GDA: variants seen among roughly 807,000 people sequenced by gnomAD.
GDA encodes guanine deaminase, also known as cytoplasmic PSD-95 interactor.
GDA carries 18 observed loss-of-function variants against 59.6 expected under a neutral mutation model. The observed-to-expected ratio is 0.30, with a 90% CI of 0.21 to 0.45. The LOEUF is 0.45. Ranked by LOEUF, GDA falls within the 20% of genes least tolerant of loss-of-function variation. The pLI is 1.00. For synonymous variants in GDA, 201 were observed against 201.1 expected (o/e 1.00, Z 0.00); for missense variants, 427 against 552.3 (o/e 0.77, Z 2.27).
At chr9:72,217,925 T>TC (rs1405754860) in intron 5 of GDA, among the ~76,000 whole-genome samples, 1 of 152,110 alleles carries the variant, frequency 6.6e-6, no homozygotes, top group East Asian at 1.9e-4. Context: ...ATTTTTTATT[T>TC]TTTTTTTAGA....
At chr9:72,213,599 C>A (rs552741146) in intron 4 of GDA, among the ~76,000 whole-genome samples, 3 of 151,312 alleles carry the variant, frequency 2.0e-5, no homozygotes, top group East Asian at 1.9e-4. Context: ...GTCAGGAGAT[C>A]GAGACCATCT....
At chr9:72,142,719 T>C (rs914675324) in intron 1 of GDA, among the ~76,000 whole-genome samples, 3 of 152,184 alleles carry the variant, frequency 2.0e-5, no homozygotes, top group Non-Finnish European at 4.4e-5. Flanking sequence ...ATATTGATTG[T>C]ATGTATTGCT....
intron 1 of GDA, among the ~76,000 whole-genome samples, chr9:72,158,820 A>G (rs1224546046): frequency 6.6e-6 from 1 of 152,172 alleles, no homozygotes; most frequent in Non-Finnish European, 1.5e-5. Context: ...TGTATTTCAG[A>G]CAGTCTGCCA....
chr9:72,207,245 C>T (rs950776640), intron 3 of GDA, among the ~76,000 whole-genome samples: 2 of 152,126 alleles, frequency 1.3e-5, no homozygotes, highest in African/African-American at 4.8e-5. Flanking sequence ...CTTTCTCTCT[C>T]TTTCTGAGTA....
intron 10 of GDA, among the ~76,000 whole-genome samples, chr9:72,233,312 C>T (rs1481669886): frequency 2.0e-5 from 3 of 152,072 alleles, no homozygotes; most frequent in South Asian, 2.1e-4. Flanking sequence ...AGTGATATCA[C>T]AAACAATAAG....
At chr9:72,188,697 C>T (rs898335440) in intron 1 of GDA, among the ~76,000 whole-genome samples, 2 of 152,184 alleles carry the variant, frequency 1.3e-5, no homozygotes, top group African/African-American at 2.4e-5. Flanking sequence ...GCCAGAGCTG[C>T]CACAGAGAGT....
At chr9:72,223,756 G>T (rs1837199754) in intron 7 of GDA, among the ~76,000 whole-genome samples, 1 of 152,058 alleles carries the variant, frequency 6.6e-6, no homozygotes, top group Non-Finnish European at 1.5e-5. Flanking sequence ...TTAAATTGTT[G>T]CAATTTAGGA....
intron 1 of GDA, among the ~76,000 whole-genome samples, chr9:72,136,995 A>G (rs535779922): frequency 9.9e-5 from 15 of 151,974 alleles, no homozygotes; most frequent in Non-Finnish European, 2.2e-4. Context: ...AAAGAAAACA[A>G]CAACAACAAC....
chr9:72,171,748 A>G (rs1830001465), intron 1 of GDA, among the ~76,000 whole-genome samples: 1 of 152,060 alleles, frequency 6.6e-6, no homozygotes, highest in African/African-American at 2.4e-5. Flanking sequence ...GTACATTATA[A>G]TGTTATTTTA....
chr9:72,128,311 A>G (rs1825915979), intron 1 of GDA, among the ~76,000 whole-genome samples: 1 of 152,164 alleles, frequency 6.6e-6, no homozygotes, highest in South Asian at 2.1e-4. Flanking sequence ...ATTTCAAGTA[A>G]GTGATTCAAA....
At chr9:72,117,007 A>G (rs1477911659) in intron 1 of GDA, among the ~76,000 whole-genome samples, 2 of 147,264 alleles carry the variant, frequency 1.4e-5, no homozygotes, top group Non-Finnish European at 3.0e-5. Flanking sequence ...TTTCCCACCT[A>G]TGAGTGAGAA....
rs1299655115 is a variant in GDA at position 72,248,513 on chromosome 9, A to G, written c.*171A>G. Reference sequence around the variant, plus strand: ...CAAATAGTTCGAAGGAAGTTGCACTAATTCTCAACTCTGGTTGAGAGGGTT... The same window carrying G: ...CAAATAGTTCGAAGGAAGTTGCACTGATTCTCAACTCTGGTTGAGAGGGTT... On this transcript the variant is annotated 3_prime_UTR_variant, in exon 14 of 14. Transcript: ENST00000358399. The G allele has an allele frequency of 3.6e-5, 51 of 1,417,328 alleles. 1 individual carries two copies. The highest frequency in any genetic ancestry group is 4.6e-5 in the Non-Finnish European group (50 of 1,085,924). The allele number at this position is 1,417,328 out of a possible 1,614,324, so 87.8% of individuals were successfully genotyped here.
intron 1 of GDA, among the ~76,000 whole-genome samples, chr9:72,132,504 G>T (rs923925773): frequency 6.6e-6 from 1 of 152,146 alleles, no homozygotes; most frequent in South Asian, 2.1e-4. Flanking sequence ...GGGAAGACTT[G>T]TTTGGCATGT....
chr9:72,238,888 T>C (rs1839305823), intron 10 of GDA, among the ~76,000 whole-genome samples: 3 of 152,240 alleles, frequency 2.0e-5, no homozygotes, highest in Admixed American at 1.3e-4. Context: ...AGATATGTGA[T>C]GTTATTTCTA....
chr9:72,206,495 G>A (rs777867710), intron 3 of GDA, among the ~76,000 whole-genome samples: 23 of 151,936 alleles, frequency 1.5e-4, no homozygotes, highest in Non-Finnish European at 3.1e-4. Context: ...AATGAGGGCC[G>A]GGCACGGTGG....
chr9:72,242,498 T>C (rs548355739), intron 11 of GDA, among the ~76,000 whole-genome samples: 10 of 152,110 alleles, frequency 6.6e-5, no homozygotes, highest in African/African-American at 1.2e-4. Context: ...TAGATATAGA[T>C]TTAGAAACAT....
chr9:72,191,659 C>T (rs1475804963), intron 1 of GDA, among the ~76,000 whole-genome samples: 1 of 152,112 alleles, frequency 6.6e-6, no homozygotes, highest in African/African-American at 2.4e-5. Context: ...AATCTCGGCT[C>T]ACTGCAACCT....
At chr9:72,129,894 C>T (rs11143123) in intron 1 of GDA, among the ~76,000 whole-genome samples, 9 of 152,040 alleles carry the variant, frequency 5.9e-5, no homozygotes, top group South Asian at 2.1e-4. Flanking sequence ...AGGTCAGACC[C>T]GGGCCAGGAC....
chr9:72,141,925 C>T (rs1015240651), intron 1 of GDA, among the ~76,000 whole-genome samples: 1 of 152,138 alleles, frequency 6.6e-6, no homozygotes, highest in Non-Finnish European at 1.5e-5. Flanking sequence ...TGTGTGAAAT[C>T]ATTTCAGTGG....
Sources: gnomAD v4.1 joint callset for allele counts (sites outside exome capture counted in the v4.1 genomes callset) on GRCh38, gnomAD v4.1.1 for gene constraint, MANE v1.5 for transcripts, NCBI Gene and HGNC (gene_info 2026-07-23, HGNC 2026-07-21) for gene names.